Variants in ZFHX3 observed in about 807,000 individuals in gnomAD.
ZFHX3 encodes the protein zinc finger homeobox 3.
In ZFHX3, 42 loss-of-function variants were observed where a neutral mutation model predicts 279.1. The ratio of observed to expected loss-of-function variants is 0.15; its 90% CI spans 0.12 to 0.19. ZFHX3 has a LOEUF of 0.19. Among genes scored for constraint, ZFHX3 ranks in the 10% least tolerant of loss-of-function variants. The probability of loss-of-function intolerance (pLI) is 1.00; values close to 1 mark genes in which losing one functional copy is unlikely to be tolerated. For missense variants in ZFHX3, 4,981 were observed against 4,754.0 expected (o/e 1.05, Z -1.40); for synonymous variants, 2,293 against 1,957.8 (o/e 1.17, Z -4.52).
chr16:73,869,769 G>C (rs766784282), intron 1 of ZFHX3, among the ~76,000 whole-genome samples: 2 of 152,226 alleles, frequency 1.3e-5, no homozygotes, highest in Non-Finnish European at 2.9e-5. Context: ...AAGACTTAGA[G>C]AGAAACCAAA....
chr16:72,883,702 G>A (rs6499594), intron 4 of ZFHX3, among the ~76,000 whole-genome samples: 25,718 of 152,086 alleles, frequency 0.17, 2,710 homozygotes, highest in African/African-American at 0.3. Flanking sequence ...TACAATCCCT[G>A]TCCAAACAGT....
chr16:72,935,482 T>C (rs2144318310), intron 3 of ZFHX3, among the ~76,000 whole-genome samples: 1 of 152,298 alleles, frequency 6.6e-6, no homozygotes, highest in Middle Eastern at 3.4e-3. Flanking sequence ...AGCTCACACC[T>C]GTAATCCCAG....
chr16:72,951,329 C>T (rs1960989400), intron 2 of ZFHX3, among the ~76,000 whole-genome samples: 1 of 152,010 alleles, frequency 6.6e-6, no homozygotes, highest in Admixed American at 6.6e-5. Context: ...GGCACAATCT[C>T]AGCTCACGGC....
intron 5 of ZFHX3, among the ~76,000 whole-genome samples, chr16:72,821,268 C>A (rs1029538816): frequency 6.6e-6 from 1 of 152,180 alleles, no homozygotes; most frequent in Non-Finnish European, 1.5e-5. Context: ...AGACATTACT[C>A]AGGTCCCTGC....
chr16:73,242,324 C>T (rs1406570815), intron 5 of ZFHX3, among the ~76,000 whole-genome samples: 1 of 152,106 alleles, frequency 6.6e-6, no homozygotes, highest in Non-Finnish European at 1.5e-5. Flanking sequence ...ACTCCAGATC[C>T]TCCTTCTACA....
chr16:73,433,985 CTT>C (rs2017953999), intron 3 of ZFHX3, among the ~76,000 whole-genome samples: 1 of 152,188 alleles, frequency 6.6e-6, no homozygotes, highest in Non-Finnish European at 1.5e-5. Flanking sequence ...TTGCGTGTCC[CTT>C]CTGGGAGGGG....
At chr16:72,902,995 A>C (rs767671015) in intron 3 of ZFHX3, among the ~76,000 whole-genome samples, 1 of 152,290 alleles carries the variant, frequency 6.6e-6, no homozygotes, top group African/African-American at 2.4e-5. Context: ...GGATGTGGGA[A>C]GTCAGGAGTC....
At position 72,788,553 on chromosome 16, in the gene ZFHX3, CTTTACTTTCTCA is replaced by C. The variant is rs1256978721; in HGVS notation, c.9711_9722del (p.Ser3237_Lys3241delinsArg). On this transcript the variant is annotated inframe_deletion, in exon 10 of 10. Coordinates refer to ENST00000268489, the MANE Select transcript of ZFHX3 (RefSeq NM_006885.4). ...TCCCTTTGTGTGCCTTTTCCTTCTCCTTTACTTTCTCACTGTCTTTGTCCTTGCGTTGCTGCT... is the reference window on the plus strand; with the variant it reads ...TCCCTTTGTGTGCCTTTTCCTTCTCCCTGTCTTTGTCCTTGCGTTGCTGCT... The C allele has an allele frequency of 1.2e-6, 2 of 1,614,006 alleles. No individual in the cohort carries two copies. The highest frequency in any genetic ancestry group is 1.3e-5 in the African/African-American group (1 of 74,918).
chr16:73,592,982 C>G (rs2052014855), intron 2 of ZFHX3, among the ~76,000 whole-genome samples: 1 of 151,758 alleles, frequency 6.6e-6, no homozygotes, highest in Non-Finnish European at 1.5e-5. Flanking sequence ...AAGACGATAT[C>G]ATAAATAAGT....
intron 4 of ZFHX3, among the ~76,000 whole-genome samples, chr16:72,886,471 A>C (rs777849447): frequency 1.3e-5 from 2 of 152,194 alleles, no homozygotes; most frequent in African/African-American, 4.8e-5. Context: ...GAAGCACTAC[A>C]TTCCAAAACA....
At chr16:73,555,397 G>A (rs1388148915) in intron 2 of ZFHX3, among the ~76,000 whole-genome samples, 2 of 151,870 alleles carry the variant, frequency 1.3e-5, no homozygotes, top group Non-Finnish European at 2.9e-5. Flanking sequence ...CTCGTGATCC[G>A]CCTGCCTCGG....
At chr16:73,717,709 T>C (rs2053429990) in intron 1 of ZFHX3, among the ~76,000 whole-genome samples, 1 of 152,152 alleles carries the variant, frequency 6.6e-6, no homozygotes, top group African/African-American at 2.4e-5. Flanking sequence ...AACGCAGCCT[T>C]GTTTGAGGCT....
chr16:73,789,032 G>A (rs1959745401), intron 1 of ZFHX3, among the ~76,000 whole-genome samples: 2 of 150,114 alleles, frequency 1.3e-5, no homozygotes, highest in African/African-American at 4.9e-5. Context: ...ACATCAGTGT[G>A]TTTATGTATC....
chr16:73,286,898 G>A (rs1250906044), intron 4 of ZFHX3, among the ~76,000 whole-genome samples: 5 of 149,114 alleles, frequency 3.4e-5, no homozygotes, highest in Admixed American at 2.0e-4. Flanking sequence ...GGCTGTGTAG[G>A]TGTGTGGGTT....
chr16:73,145,386 C>G (rs1363007538), intron 5 of ZFHX3, among the ~76,000 whole-genome samples: 1 of 152,218 alleles, frequency 6.6e-6, no homozygotes, highest in Admixed American at 6.5e-5. Context: ...AGAGTGTCAG[C>G]TAACACTGTT....
At chr16:73,567,665 C>G (rs2143800460) in intron 2 of ZFHX3, among the ~76,000 whole-genome samples, 1 of 152,332 alleles carries the variant, frequency 6.6e-6, no homozygotes, top group South Asian at 2.1e-4. Context: ...GGGATGTTGA[C>G]TGACTTCATC....
chr16:72,872,961 C>T (rs1388481253), intron 4 of ZFHX3, among the ~76,000 whole-genome samples: 1 of 152,200 alleles, frequency 6.6e-6, no homozygotes, highest in East Asian at 1.9e-4. Flanking sequence ...ACTCCCACAA[C>T]AGCCTGGGGT....
chr16:73,641,832 A>G (rs1279247875), intron 2 of ZFHX3, among the ~76,000 whole-genome samples: 1 of 152,144 alleles, frequency 6.6e-6, no homozygotes, highest in Non-Finnish European at 1.5e-5. Context: ...TTGGCTTTTT[A>G]AAAGTATATG....
chr16:73,485,734 A>T (rs1474104812), intron 2 of ZFHX3, among the ~76,000 whole-genome samples: 1 of 152,108 alleles, frequency 6.6e-6, no homozygotes, highest in Non-Finnish European at 1.5e-5. Context: ...GTACTGCCCT[A>T]CCATGTGACA....
Sources: allele counts gnomAD v4.1 joint callset (sites outside exome capture counted in the v4.1 genomes callset), GRCh38; gene constraint gnomAD v4.1.1; transcripts MANE v1.5; gene names NCBI Gene and HGNC (gene_info 2026-07-23, HGNC 2026-07-21).